Variants in FUT2 observed in about 807,000 individuals in gnomAD.
FUT2 encodes galactoside alpha-(1,2)-fucosyltransferase 2.
For synonymous variants in FUT2, 182 were observed against 193.1 expected (o/e 0.94, Z 0.48); for missense variants, 419 against 465.8 (o/e 0.90, Z 0.93).
In FUT2 at chr19:48,703,442, G is replaced by A; in HGVS notation, c.486G>A (p.Gln162=). 6.2e-7 allele frequency: 1 copy of A among 1,612,914 alleles called. No individual in the cohort carries two copies. Among genetic ancestry groups the A allele is most frequent in the East Asian group, 2.2e-5 (1 of 44,888 alleles). Residue 162 remains glutamine, a synonymous_variant, in exon 2 of 2, where the codon CAG becomes CAA. Transcript: ENST00000425340. ...CSWTFYHHLR[Q]EILQEFTLHD... The stretch of plus-strand genomic sequence containing the variant: ...GGACCTTCTACCACCACCTCCGCCA[G>A]GAGATCCTCCAGGAGTTCACCCTGC...
chr19:48,702,893 G>A (rs1313385831), intron 1 of FUT2, 62 bp from the exon 2 acceptor site: 34 of 1,538,830 alleles, frequency 2.2e-5, no homozygotes, highest in Non-Finnish European at 2.9e-5. Flanking sequence ...GCATGGCCAC[G>A]TTCACCAGCG....
chr19:48,703,965 C>T lies in FUT2; in HGVS notation c.1009C>T (p.Leu337=). 3 of 1,613,506 alleles carry T rather than the reference C, an allele frequency of 1.9e-6. No homozygotes were observed. The highest frequency in any genetic ancestry group is 2.5e-6 in the Non-Finnish European group (3 of 1,180,006). The change falls in exon 2 of 2, where the codon CTG becomes TTG. Residue 337 remains leucine (L), a synonymous_variant. Coordinates refer to ENST00000425340, the MANE Select transcript of FUT2 (RefSeq NM_000511.6). ...LPEWTGIAAD[L]SPLLKH ...GGAGTGGACAGGGATTGCCGCAGAC[C>T]TGTCCCCCTTACTCAAGCACTAATG... is the stretch of plus-strand genomic sequence containing the variant.
At chr19:48,700,152 C>CAAAAAAAAAAA (rs923397801) in intron 1 of FUT2, among the ~76,000 whole-genome samples, 1 of 45,296 alleles carries the variant, frequency 2.2e-5, no homozygotes, top group Non-Finnish European at 4.5e-5. Flanking sequence ...GACTCCATCT[C>CAAAAAAAAAAA]AAAAAAAAAA....
At chr19:48,700,488 G>A (rs992777622) in intron 1 of FUT2, among the ~76,000 whole-genome samples, 4 of 151,700 alleles carry the variant, frequency 2.6e-5, no homozygotes, top group African/African-American at 4.8e-5. Context: ...CACCACACCC[G>A]GCTAATTTTT....
chr19:48,698,856 G>C (rs2032461370), intron 1 of FUT2, among the ~76,000 whole-genome samples: 1 of 151,906 alleles, frequency 6.6e-6, no homozygotes, highest in Non-Finnish European at 1.5e-5. Context: ...CATTACATGT[G>C]TGAGCCATCA....
intron 1 of FUT2, among the ~76,000 whole-genome samples, chr19:48,700,152 CA>C (rs923397801): frequency 0.013 from 567 of 45,312 alleles, 3 homozygotes; most frequent in African/African-American, 0.028. Flanking sequence ...GACTCCATCT[CA>C]AAAAAAAAAA....
At chr19:48,701,393 G>A (rs964246399) in intron 1 of FUT2, among the ~76,000 whole-genome samples, 3 of 151,908 alleles carry the variant, frequency 2.0e-5, no homozygotes, top group Admixed American at 2.0e-4. Flanking sequence ...TGGCCAGGTT[G>A]GTCTCCAGCT....
In FUT2 at chr19:48,705,118, T is replaced by TTTTTTTC; in HGVS notation, c.*1136_*1137insCTTTTTT. 4.3e-6 allele frequency: 1 copy of TTTTTTTC among 232,546 alleles called. No individual in the cohort carries two copies. Among genetic ancestry groups the TTTTTTTC allele is most frequent in the Non-Finnish European group, 8.4e-6 (1 of 119,064 alleles). 14.4% of individuals were successfully genotyped at this position (232,546 alleles called of 1,614,324 possible). A position where few individuals can be genotyped will look rare whatever the true frequency, so the allele number is the denominator to read the frequency against. On this transcript the variant is annotated 3_prime_UTR_variant, in exon 2 of 2. Coordinates refer to ENST00000425340, the MANE Select transcript of FUT2 (RefSeq NM_000511.6). ...TTCTTTTCTTTTTCTTTTCTTTTTT[T>TTTTTTTC]TTTTTTTTTTGAGATGGAGTCTTGC...
rs560556133 is a variant in FUT2 at position 48,703,498 on chromosome 19, T to C, written c.542T>C (p.Phe181Ser). Residue 181 changes from phenylalanine (F) to serine (S), a missense_variant, in exon 2 of 2, where the codon TTC becomes TCC. Phe to Ser is a radical substitution (Grantham distance 155). Coordinates refer to ENST00000425340, the MANE Select transcript of FUT2 (RefSeq NM_000511.6). ...HDHVREEAQKFLRGLQVNGSR... is the reference protein window; with the variant it reads ...HDHVREEAQKSLRGLQVNGSR... ...CACGTGCGGGAGGAGGCCCAGAAGT[T>C]CCTGCGGGGCCTGCAGGTGAACGGG... The C allele has an allele frequency of 6.2e-7, 1 of 1,612,998 alleles. No individual in the cohort carries two copies. Among genetic ancestry groups the C allele is most frequent in the South Asian group, 1.1e-5 (1 of 90,632 alleles).
chr19:48,703,658 C>G lies in FUT2; in HGVS notation c.702C>G (p.Tyr234Ter), dbSNP rs144777399. The G allele has an allele frequency of 3.7e-6, 6 of 1,613,594 alleles. No individual in the cohort carries two copies. In the Admixed American group the frequency reaches 8.3e-5, roughly 22 times the overall value. ...QQALDWFRARYSSLIFVVTSN... is the reference protein window; with the variant it reads ...QQALDWFRAR ...CCCTGGACTGGTTCCGAGCTCGCTA[C>G]AGCTCCCTCATCTTCGTGGTCACCA... The change falls in exon 2 of 2, where the codon TAC (tyrosine) becomes TAG (stop). Residue 234 changes from tyrosine (Y) to a stop codon, truncating the protein, a stop_gained. Coordinates refer to ENST00000425340, the MANE Select transcript of FUT2 (RefSeq NM_000511.6). LOFTEE classifies it low-confidence loss of function (END_TRUNC).
intron 1 of FUT2, among the ~76,000 whole-genome samples, chr19:48,697,595 G>C (rs1321246127): frequency 6.6e-6 from 1 of 152,078 alleles, no homozygotes; most frequent in African/African-American, 2.4e-5. Context: ...ATAAGTGTGA[G>C]TTTGGGGCAC....
At chr19:48,696,770 C>A (rs569229525) in intron 1 of FUT2, 1 of 152,484 alleles carries the variant, frequency 6.6e-6, no homozygotes, top group East Asian at 1.9e-4. Flanking sequence ...TGGGGTGCGA[C>A]TGAGCCGGAT....
Position 48,703,039 on chromosome 19 carries a change from T to C in FUT2, c.83T>C (p.Val28Ala). 1 of 1,613,126 alleles carries C rather than the reference T, an allele frequency of 6.2e-7. No homozygotes were observed. Among genetic ancestry groups the C allele is most frequent in the African/African-American group, 1.3e-5 (1 of 75,010 alleles). Residue 28 changes from valine (V) to alanine (A), a missense_variant, in exon 2 of 2, where the codon GTT (valine) becomes GCT (alanine). Physicochemically the swap from Val to Ala is moderately conservative, Grantham distance 64. Coordinates refer to ENST00000425340, the MANE Select transcript of FUT2 (RefSeq NM_000511.6). ...FVFTVSTIFH[V>A]QQRLAKIQAM... ...TTTACGGTTTCCACTATATTTCACG[T>C]TCAGCAGCGGCTAGCGAAGATTCAA...
At chr19:48,699,541 A>G (rs2032473499) in intron 1 of FUT2, among the ~76,000 whole-genome samples, 2 of 151,946 alleles carry the variant, frequency 1.3e-5, no homozygotes, top group South Asian at 2.1e-4. Context: ...ACATTTGACC[A>G]CTATCAATAC....
intron 1 of FUT2, among the ~76,000 whole-genome samples, chr19:48,701,458 C>G (rs1207969249): frequency 6.6e-6 from 1 of 151,884 alleles, no homozygotes; most frequent in Non-Finnish European, 1.5e-5. Flanking sequence ...GGATTACAGG[C>G]GTGAGCCACC....
chr19:48,703,733 T>C lies in FUT2; in HGVS notation c.777T>C (p.Asp259=). The C allele has an allele frequency of 6.2e-7, 1 of 1,613,582 alleles. No homozygotes were observed. The highest frequency in any genetic ancestry group is 8.5e-7 in the Non-Finnish European group (1 of 1,179,992). The change falls in exon 2 of 2, where the codon GAT becomes GAC. Residue 259 remains aspartate, a synonymous_variant. Transcript: ENST00000425340. ...AGAACATTGACACCTCCCACGGTGA[T>C]GTGGTGTTTGCTGGCGATGGCATTG... is the stretch of plus-strand genomic sequence containing the variant. ...CRENIDTSHG[D]VVFAGDGIEG...
At position 48,701,861 on chromosome 19, in the gene FUT2, C is replaced by T. The variant is rs559278628; in HGVS notation, c.-2-1094C>T. ...TACAAAAGTTAGCCAGGCGTGGTGG[C>T]GGGCGCCTGTAATCCCAGCTACTCA... On this transcript the variant is annotated intron_variant, in intron 1 of 1. Transcript: ENST00000425340. 5.3e-5 allele frequency among the ~76,000 whole-genome samples: 8 copies of T among 151,780 alleles called. No homozygotes were observed. In the East Asian group the frequency reaches 5.9e-4, roughly 11 times the overall value.
At chr19:48,702,112 C>A (rs1157562687) in intron 1 of FUT2, among the ~76,000 whole-genome samples, 2 of 152,046 alleles carry the variant, frequency 1.3e-5, no homozygotes, top group Non-Finnish European at 2.9e-5. Flanking sequence ...TTTAAACATA[C>A]CATGTGGGCC....
chr19:48,700,152 CAAAAAAAA>C (rs923397801), intron 1 of FUT2, among the ~76,000 whole-genome samples: 3 of 45,300 alleles, frequency 6.6e-5, no homozygotes, highest in Non-Finnish European at 9.0e-5. Context: ...GACTCCATCT[CAAAAAAAA>C]AAAAAAAAAA....
Sources: gnomAD v4.1 joint callset for allele counts (sites outside exome capture counted in the v4.1 genomes callset) on GRCh38, gnomAD v4.1.1 for gene constraint, MANE v1.5 for transcripts, NCBI Gene and HGNC (gene_info 2026-07-23, HGNC 2026-07-21) for gene names.